Variants in CRTC3 observed in about 807,000 individuals in gnomAD.
The protein encoded by CRTC3 is CREB regulated transcription coactivator 3, also known as CREB-regulated transcription coactivator 3.
Under a neutral mutation model 74.5 loss-of-function variants are expected in CRTC3, and 26 were observed. The ratio of observed to expected loss-of-function variants is 0.35; its 90% CI spans 0.26 to 0.48. The LOEUF is 0.48. Among genes scored for constraint, CRTC3 ranks in the 20% least tolerant of loss-of-function variants. CRTC3 has a pLI of 0.99. For synonymous variants in CRTC3, 377 were observed against 325.8 expected (o/e 1.16, Z -1.69); for missense variants, 760 against 787.3 (o/e 0.97, Z 0.41).
chr15:90,633,076 TTATTA>T (rs1354311437), intron 11 of CRTC3, among the ~76,000 whole-genome samples: 1 of 152,152 alleles, frequency 6.6e-6, no homozygotes, highest in East Asian at 1.9e-4. Context: ...CCCTCCTCAT[TTATTA>T]TAATTTTGGT....
rs369662816 is a variant in CRTC3 at position 90,625,927 on chromosome 15, A to T, written c.901A>T (p.Ser301Cys). The T allele has an allele frequency of 6.0e-5, 97 of 1,614,144 alleles. 1 individual carries two copies. In the South Asian group the frequency reaches 1.0e-3, roughly 17 times the overall value. ...DTTDHHFGSM[S>C]VGNSVNNIPA... ...CACCGACCACCACTTTGGCAGTATGAGTGTGGGGAATAGTGTGAACAACAT... is the reference window on the plus strand; with the variant it reads ...CACCGACCACCACTTTGGCAGTATGTGTGTGGGGAATAGTGTGAACAACAT... The change falls in exon 10 of 15, where the codon AGT (serine) becomes TGT (cysteine). Residue 301 changes from serine to cysteine, a missense_variant. Physicochemically the swap from Ser to Cys is moderately radical, Grantham distance 112 (BLOSUM62 -1). Transcript: ENST00000268184.
At chr15:90,625,727 A>G in intron 9 of CRTC3, 49 bp from the exon 10 acceptor site, 1 of 1,546,776 alleles carries the variant, frequency 6.5e-7, no homozygotes, top group Non-Finnish European at 8.9e-7. Flanking sequence ...TTGGTTTCCC[A>G]ACAGCCAAAT....
intron 2 of CRTC3, among the ~76,000 whole-genome samples, chr15:90,588,786 CCCA>C (rs1374924976): frequency 6.6e-6 from 1 of 152,108 alleles, no homozygotes; most frequent in African/African-American, 2.4e-5. Context: ...GCAGGTCAGC[CCCA>C]CCTTTGACAA....
chr15:90,532,650 AC>A (rs1966645903), intron 1 of CRTC3, among the ~76,000 whole-genome samples: 1 of 152,122 alleles, frequency 6.6e-6, no homozygotes, highest in South Asian at 2.1e-4. Context: ...TATCCTATTC[AC>A]CTAGTGGGTA....
intron 6 of CRTC3, among the ~76,000 whole-genome samples, chr15:90,610,311 A>G (rs936557710): frequency 9.8e-5 from 15 of 152,378 alleles, no homozygotes; most frequent in African/African-American, 3.6e-4. Context: ...GTTCGAAGCA[A>G]TAATAACTCT....
rs1256604835 is a variant in CRTC3 at position 90,630,258 on chromosome 15, A to G, written c.1266+726A>G. ...TCTAAGTACATTAAGCCATAGGGGAAAGCCAAAGAAAACATTTAATACCTT... is the reference window on the plus strand; with the variant it reads ...TCTAAGTACATTAAGCCATAGGGGAGAGCCAAAGAAAACATTTAATACCTT... On this transcript the variant is annotated intron_variant, in intron 11 of 14. Coordinates refer to ENST00000268184, the MANE Select transcript of CRTC3 (RefSeq NM_022769.5). Among the ~76,000 whole-genome samples the G allele has an allele frequency of 2.6e-5, 4 of 152,202 alleles. 1 individual carries two copies. In the East Asian group the frequency reaches 5.8e-4, roughly 22 times the overall value.
intron 2 of CRTC3, among the ~76,000 whole-genome samples, chr15:90,542,217 C>T (rs1176837963): frequency 1.3e-5 from 2 of 149,006 alleles, no homozygotes; most frequent in African/African-American, 2.5e-5. Context: ...CTCATTCTGT[C>T]GCCTAGGCTG....
chr15:90,615,241 A>G lies in CRTC3; in HGVS notation c.613+753A>G, dbSNP rs542820396. Among the ~76,000 whole-genome samples, 8 of 152,352 alleles carry G rather than the reference A, an allele frequency of 5.3e-5. No individual in the cohort carries two copies. The South Asian group carries it at 1.7e-3, about 32-fold the overall frequency. On this transcript the variant is annotated intron_variant, in intron 7 of 14. Transcript: ENST00000268184. Reference sequence around the variant, plus strand: ...TAAGATACTGAGTTTCGTAAAGCCAATTAAAACATTGTTGGAGATCTATGG... The same window carrying G: ...TAAGATACTGAGTTTCGTAAAGCCAGTTAAAACATTGTTGGAGATCTATGG...
At chr15:90,551,944 G>GCGCACA (rs1555446977) in intron 2 of CRTC3, among the ~76,000 whole-genome samples, 4 of 129,198 alleles carry the variant, frequency 3.1e-5, no homozygotes, top group East Asian at 4.1e-4. Flanking sequence ...ACACACACAC[G>GCGCACA]CACACACACA....
chr15:90,607,403 A>C lies in CRTC3; in HGVS notation c.502A>C (p.Thr168Pro). 1 of 1,612,842 alleles carries C rather than the reference A, an allele frequency of 6.2e-7. No homozygotes were observed. The highest frequency in any genetic ancestry group is 8.5e-7 in the Non-Finnish European group (1 of 1,179,350). The change falls in exon 6 of 15, where the codon ACG becomes CCG. Residue 168 changes from threonine (T) to proline (P), a missense_variant. This residue lies in a region of CRTC3 where 652 missense variants were observed against 635.2 expected (regional missense o/e 1.03). Coordinates refer to ENST00000268184, the MANE Select transcript of CRTC3 (RefSeq NM_022769.5). ...GACCAATTCTGATTCTGCTCTTCAC[A>C]CGAGTGCTCTGAGTACCAAGCCCCA... ...NRTNSDSALHTSALSTKPQDP... is the reference protein window; with the variant it reads ...NRTNSDSALHPSALSTKPQDP...
intron 11 of CRTC3, among the ~76,000 whole-genome samples, chr15:90,632,247 G>A (rs1226851087): frequency 6.6e-6 from 1 of 151,964 alleles, no homozygotes; most frequent in Non-Finnish European, 1.5e-5. Flanking sequence ...GAGACTGTAT[G>A]GCCAGAGTGT....
intron 2 of CRTC3, among the ~76,000 whole-genome samples, chr15:90,568,382 G>T (rs560683069): frequency 1.3e-5 from 2 of 151,584 alleles, no homozygotes; most frequent in South Asian, 2.1e-4. Context: ...AAATAGTCTC[G>T]CTCTGTCACC....
intron 2 of CRTC3, among the ~76,000 whole-genome samples, chr15:90,545,796 T>C (rs1023028699): frequency 2.0e-5 from 3 of 152,126 alleles, no homozygotes; most frequent in South Asian, 2.1e-4. Flanking sequence ...GCCAGGATGG[T>C]CTCCATCTCC....
rs1331037128 is a variant in CRTC3, at chr15:90,612,540, C to G, written c.578-1913C>G. Among the ~76,000 whole-genome samples, 3 of 152,056 alleles carry G rather than the reference C, an allele frequency of 2.0e-5. No individual in the cohort carries two copies. In the South Asian group the frequency reaches 6.2e-4, roughly 32 times the overall value. ...CAGTTGAGTCCTCATGTTTCAGGGACAGGTCAGGCTTAATAATTAAACCTC... is the reference window on the plus strand; with the variant it reads ...CAGTTGAGTCCTCATGTTTCAGGGAGAGGTCAGGCTTAATAATTAAACCTC... On this transcript the variant is annotated intron_variant, in intron 6 of 14. Transcript: ENST00000268184.
At chr15:90,585,932 C>G (rs1246598648) in intron 2 of CRTC3, among the ~76,000 whole-genome samples, 1 of 152,190 alleles carries the variant, frequency 6.6e-6, no homozygotes, top group Non-Finnish European at 1.5e-5. Context: ...TCTTTGCTTT[C>G]TGGCTCACCA....
chr15:90,571,728 C>A (rs1423416835), intron 2 of CRTC3, among the ~76,000 whole-genome samples: 1 of 152,138 alleles, frequency 6.6e-6, no homozygotes, highest in African/African-American at 2.4e-5. Flanking sequence ...CAGTTCTAAT[C>A]CCCATGGTAC....
intron 2 of CRTC3, among the ~76,000 whole-genome samples, chr15:90,563,562 C>T (rs898797661): frequency 3.9e-5 from 6 of 152,288 alleles, no homozygotes; most frequent in South Asian, 2.1e-4. Context: ...CTGCTAAGAG[C>T]GGATGGCTCT....
intron 2 of CRTC3, among the ~76,000 whole-genome samples, chr15:90,547,153 C>T (rs532071991): frequency 3.5e-4 from 53 of 152,096 alleles, no homozygotes; most frequent in African/African-American, 1.3e-3. Context: ...GTATACGATA[C>T]GATATTTTCA....
chr15:90,530,108 C>A lies in CRTC3; in HGVS notation c.37C>A (p.Arg13=). 1 of 1,455,276 alleles carries A rather than the reference C, an allele frequency of 6.9e-7. No individual in the cohort carries two copies. The highest frequency in any genetic ancestry group is 9.2e-7 in the Non-Finnish European group (1 of 1,088,516). 90.1% of individuals were successfully genotyped at this position (1,455,276 alleles called of 1,614,324 possible). ...ASPGSGSANP[R]KFSEKIALHT... is the part of the protein sequence containing the mutation. ...GCCGGGCTCGGGCAGCGCCAACCCG[C>A]GGAAGTTCAGTGAGAAGATCGCGCT... Residue 13 remains arginine (R), a synonymous_variant, in exon 1 of 15, where the codon CGG becomes AGG. Coordinates refer to ENST00000268184, the MANE Select transcript of CRTC3 (RefSeq NM_022769.5). The surrounding 1 kb of genome is among the most constrained non-coding windows in gnomAD (Gnocchi z 6.2).
Sources: gnomAD v4.1 joint callset for allele counts (sites outside exome capture counted in the v4.1 genomes callset) on GRCh38, gnomAD v4.1.1 for gene constraint, gnomAD v4.1.1 regional missense constraint, Gnocchi (gnomAD v3.1) non-coding constraint, MANE v1.5 for transcripts, NCBI Gene and HGNC (gene_info 2026-07-23, HGNC 2026-07-21) for gene names.